The following DDX1 variants were observed in gnomAD, a reference collection of about 807,000 sequenced individuals.
DDX1 encodes DEAD-box helicase 1, also known as ATP-dependent RNA helicase DDX1.
In DDX1, 28 loss-of-function variants were observed where a neutral mutation model predicts 108.7. The ratio of observed to expected loss-of-function variants is 0.26; its 90% CI spans 0.19 to 0.35. The LOEUF is 0.35. DDX1 is among the 10% of genes least tolerant of loss of function. DDX1 has a pLI of 1.00. For missense variants in DDX1, 710 were observed against 884.5 expected, an observed-to-expected ratio of 0.80 and a Z score of 2.50; for synonymous variants, 295 against 288.9, an observed-to-expected ratio of 1.02 and a Z score of -0.21.
At chr2:15,593,692 A>G (rs1665455013) in intron 1 of DDX1, among the ~76,000 whole-genome samples, 1 of 152,164 alleles carries the variant, frequency 6.6e-6, no homozygotes, top group African/African-American at 2.4e-5. Context: ...ATAGACTGTA[A>G]TACAGGTTAA....
At chr2:15,600,989 A>G (rs1279054247) in intron 6 of DDX1, among the ~76,000 whole-genome samples, 1 of 151,978 alleles carries the variant, frequency 6.6e-6, no homozygotes, top group African/African-American at 2.4e-5. Context: ...TGTGGCCACC[A>G]AGAAACCTAA....
intron 1 of DDX1, among the ~76,000 whole-genome samples, chr2:15,593,205 T>A (rs1186638069): frequency 6.6e-6 from 1 of 152,156 alleles, no homozygotes; most frequent in East Asian, 1.9e-4. Flanking sequence ...CATGTAAGAT[T>A]TCTGACTGTT....
intron 14 of DDX1, among the ~76,000 whole-genome samples, chr2:15,613,762 G>T (rs1045574825): frequency 6.6e-6 from 1 of 152,054 alleles, no homozygotes; most frequent in Non-Finnish European, 1.5e-5. Context: ...CAAAGGCTGT[G>T]CTCAGCCATG....
In DDX1 at chr2:15,630,944, T is replaced by C; in HGVS notation, c.*38T>C. Reference sequence around the variant, plus strand: ...CTGAATAAGATTTGAGTAATGAAAGTCTGTAGTCTTAAAACTCTAAAACAG... The same window carrying C: ...CTGAATAAGATTTGAGTAATGAAAGCCTGTAGTCTTAAAACTCTAAAACAG... On this transcript the variant is annotated 3_prime_UTR_variant, in exon 26 of 26. Transcript: ENST00000233084. The C allele has an allele frequency of 1.2e-6, 2 of 1,604,444 alleles. No individual in the cohort carries two copies. The highest frequency in any genetic ancestry group is 1.7e-6 in the Non-Finnish European group (2 of 1,172,400).
chr2:15,597,099 C>T (rs547477017), intron 4 of DDX1, among the ~76,000 whole-genome samples: 4 of 152,262 alleles, frequency 2.6e-5, no homozygotes, highest in African/African-American at 4.8e-5. Flanking sequence ...AATAATTTGT[C>T]GGACTGGATG....
chr2:15,617,913 A>G (rs1665927141), intron 15 of DDX1, among the ~76,000 whole-genome samples: 1 of 152,184 alleles, frequency 6.6e-6, no homozygotes, highest in African/African-American at 2.4e-5. Context: ...GAAGCTGTTG[A>G]CTGAAATTTT....
chr2:15,599,002 A>G (rs1665544822), intron 5 of DDX1, among the ~76,000 whole-genome samples: 1 of 152,192 alleles, frequency 6.6e-6, no homozygotes, highest in South Asian at 2.1e-4. Context: ...TTATAATTGA[A>G]GTCAACTTGT....
Position 15,607,130 on chromosome 2 carries a change from A to T in DDX1, c.818-45A>T, listed in dbSNP as rs1310704219. On this transcript the variant is annotated intron_variant, in intron 12 of 25. Coordinates refer to ENST00000233084, the MANE Select transcript of DDX1 (RefSeq NM_004939.3). The stretch of plus-strand genomic sequence containing the variant: ...CTAATGTTTTATAAGTAACAGTATT[A>T]TAAAGTGTGCTTTGAATGTGTTCTC... 4 of 1,573,660 alleles carry T rather than the reference A, an allele frequency of 2.5e-6. No individual in the cohort carries two copies. In the Admixed American group the frequency reaches 6.8e-5, roughly 27 times the overall value.
chr2:15,613,257 G>A lies in DDX1; in HGVS notation c.990G>A (p.Arg330=), dbSNP rs755578631. 6.8e-6 allele frequency: 11 copies of A among 1,606,302 alleles called. No individual in the cohort carries two copies. The South Asian group carries it at 1.2e-4, about 18-fold the overall frequency. Reference sequence around the variant, plus strand: ...TGATAATTGGAGGTGTTGCAGCCCGGGATCAGCTCTCTGTTTTGGAAAATG... The same window carrying A: ...TGATAATTGGAGGTGTTGCAGCCCGAGATCAGCTCTCTGTTTTGGAAAATG... ...ELLIIGGVAA[R]DQLSVLENGV... The change falls in exon 14 of 26, where the codon CGG becomes CGA. Residue 330 remains arginine, a synonymous_variant. Coordinates refer to ENST00000233084, the MANE Select transcript of DDX1 (RefSeq NM_004939.3).
At chr2:15,595,021 G>A (rs1665476438) in intron 1 of DDX1, 124 bp from the exon 2 acceptor site, 4 of 678,654 alleles carry the variant, frequency 5.9e-6, no homozygotes, top group Non-Finnish European at 9.7e-6. Context: ...GCCACGCTCA[G>A]TAGATTTGAT....
intron 13 of DDX1, among the ~76,000 whole-genome samples, chr2:15,612,504 A>G (rs1194456831): frequency 6.9e-6 from 1 of 145,892 alleles, no homozygotes; most frequent in Non-Finnish European, 1.5e-5. Flanking sequence ...CCGGGCAGAG[A>G]CGCTCCTCAC....
At chr2:15,619,256 G>A (rs955561438) in intron 16 of DDX1, among the ~76,000 whole-genome samples, 5 of 152,212 alleles carry the variant, frequency 3.3e-5, no homozygotes, top group African/African-American at 1.2e-4. Context: ...GTCCTCCCAG[G>A]GGTGGACTCT....
intron 13 of DDX1, among the ~76,000 whole-genome samples, chr2:15,612,167 G>A (rs1285765557): frequency 4.0e-5 from 6 of 151,300 alleles, no homozygotes; most frequent in Non-Finnish European, 8.9e-5. Context: ...TCCTGGACGG[G>A]GCGGCTGGCC....
chr2:15,624,324 G>A (rs1474851081), intron 19 of DDX1, among the ~76,000 whole-genome samples: 1 of 152,200 alleles, frequency 6.6e-6, no homozygotes, highest in Non-Finnish European at 1.5e-5. Flanking sequence ...TACAATGGAA[G>A]TATAAGGGTT....
At chr2:15,611,503 C>T (rs1380873337) in intron 13 of DDX1, among the ~76,000 whole-genome samples, 38 of 142,570 alleles carry the variant, frequency 2.7e-4, no homozygotes, top group Non-Finnish European at 4.9e-4. Context: ...GGCGGCTGGC[C>T]GGGCAGGGGG....
chr2:15,617,417 G>T, intron 15 of DDX1, 75 bp downstream of exon 15: 1 of 821,012 alleles, frequency 1.2e-6, no homozygotes, highest in South Asian at 2.2e-5. Flanking sequence ...AAATGAAGAA[G>T]AAATATAATT....
intron 9 of DDX1, 134 bp from the exon 10 acceptor site, chr2:15,604,303 A>C (rs141496881): frequency 3.1e-6 from 2 of 636,998 alleles, no homozygotes; most frequent in African/African-American, 1.8e-5. Context: ...GTACTATTGT[A>C]TATGTCATAT....
At chr2:15,605,470 T>G (rs898987120) in intron 10 of DDX1, among the ~76,000 whole-genome samples, 2 of 152,144 alleles carry the variant, frequency 1.3e-5, no homozygotes, top group African/African-American at 2.4e-5. Flanking sequence ...CATTAACTGC[T>G]GCATTTGACA....
chr2:15,600,185 G>C (rs1665568502), intron 6 of DDX1, among the ~76,000 whole-genome samples: 1 of 152,236 alleles, frequency 6.6e-6, no homozygotes, highest in Non-Finnish European at 1.5e-5. Flanking sequence ...TATAGGTGGA[G>C]TTGGACAGTC....
Sources: gnomAD v4.1 joint callset for allele counts (sites outside exome capture counted in the v4.1 genomes callset) on GRCh38, gnomAD v4.1.1 for gene constraint, MANE v1.5 for transcripts, NCBI Gene and HGNC (gene_info 2026-07-23, HGNC 2026-07-21) for gene names.